ITGA8: variants seen among roughly 807,000 people sequenced by gnomAD.
ITGA8 encodes integrin subunit alpha 8, also known as integrin alpha-8.
Under a neutral mutation model 142.3 loss-of-function variants are expected in ITGA8, and 91 were observed. That is an observed-to-expected ratio of 0.64 (90% CI 0.54 to 0.76). The LOEUF (loss-of-function observed/expected upper bound fraction) is 0.76. Ranked by LOEUF, ITGA8 falls within the 30% of genes least tolerant of loss-of-function variation. The pLI is 0.00. For synonymous variants in ITGA8, 505 were observed against 485.2 expected (o/e 1.04, Z -0.54); for missense variants, 1,406 against 1,327.7 (o/e 1.06, Z -0.92).
chr10:15,568,281 C>A (rs1193440453), intron 25 of ITGA8, among the ~76,000 whole-genome samples: 1 of 152,144 alleles, frequency 6.6e-6, no homozygotes, highest in East Asian at 1.9e-4. Context: ...TGTGTGTCTG[C>A]CCCTGCCCCA....
intron 20 of ITGA8, among the ~76,000 whole-genome samples, chr10:15,599,019 G>C (rs1284295478): frequency 4.6e-5 from 7 of 151,818 alleles, no homozygotes; most frequent in African/African-American, 1.7e-4. Flanking sequence ...ACAAAACCCA[G>C]AAAAATCTTC....
chr10:15,711,025 G>T (rs562394464), intron 2 of ITGA8, among the ~76,000 whole-genome samples: 1 of 152,234 alleles, frequency 6.6e-6, no homozygotes, highest in Admixed American at 6.5e-5. Flanking sequence ...TAAATACCCT[G>T]CAGTGCCATT....
At chr10:15,541,445 A>G (rs1005683978) in intron 27 of ITGA8, among the ~76,000 whole-genome samples, 37 of 152,202 alleles carry the variant, frequency 2.4e-4, no homozygotes, top group Non-Finnish European at 1.5e-4. Flanking sequence ...GTTCAAAGGT[A>G]TCACAAGTTT....
chr10:15,683,928 G>T (rs377329457), intron 4 of ITGA8, 76 bp downstream of exon 4: 2 of 1,547,010 alleles, frequency 1.3e-6, no homozygotes, highest in East Asian at 4.5e-5. Context: ...ATGGTGTTTT[G>T]AGCCTACCTG....
At chr10:15,571,538 G>A (rs1834183537) in intron 25 of ITGA8, among the ~76,000 whole-genome samples, 1 of 152,184 alleles carries the variant, frequency 6.6e-6, no homozygotes, top group African/African-American at 2.4e-5. Flanking sequence ...TAATCTGGAT[G>A]GGATCAGCTC....
At chr10:15,695,095 T>C (rs1835026121) in intron 2 of ITGA8, among the ~76,000 whole-genome samples, 3 of 152,126 alleles carry the variant, frequency 2.0e-5, no homozygotes, top group African/African-American at 7.2e-5. Flanking sequence ...TCCCAAGATA[T>C]CCTTTCTGCC....
chr10:15,653,595 T>C (rs1834129472), intron 11 of ITGA8, among the ~76,000 whole-genome samples: 1 of 152,140 alleles, frequency 6.6e-6, no homozygotes, highest in African/African-American at 2.4e-5. Flanking sequence ...ACATATCCAC[T>C]ATTACTGTAT....
intron 2 of ITGA8, among the ~76,000 whole-genome samples, chr10:15,712,123 C>G (rs999020323): frequency 7.2e-5 from 11 of 152,116 alleles, no homozygotes. Flanking sequence ...GGAGGAACAC[C>G]TTGCTTTATG....
At chr10:15,549,092 G>A (rs9333221) in intron 26 of ITGA8, among the ~76,000 whole-genome samples, 26,375 of 151,492 alleles carry the variant, frequency 0.17, 2,426 homozygotes, top group Admixed American at 0.2. Flanking sequence ...ATTGCCCAGC[G>A]TATAATGAAT....
intron 6 of ITGA8, 118 bp downstream of exon 6, chr10:15,677,474 A>G (rs1256634870): frequency 1.1e-5 from 8 of 757,900 alleles, no homozygotes; most frequent in Non-Finnish European, 1.1e-5. Flanking sequence ...CATTTGAGAA[A>G]CTATGAATAA....
At chr10:15,660,839 A>G in intron 9 of ITGA8, 40 bp downstream of exon 9, 1 of 1,540,954 alleles carries the variant, frequency 6.5e-7, no homozygotes, top group Non-Finnish European at 9.0e-7. Flanking sequence ...CACCTATACA[A>G]GAAAATACCC....
At chr10:15,696,465 C>A (rs1377342349) in intron 2 of ITGA8, among the ~76,000 whole-genome samples, 2 of 152,100 alleles carry the variant, frequency 1.3e-5, no homozygotes, top group East Asian at 3.9e-4. Flanking sequence ...AGGATCCGAA[C>A]AGGCATTACA....
At chr10:15,672,791 G>C (rs768027888) in intron 6 of ITGA8, 42 bp from the exon 7 acceptor site, 18 of 1,534,666 alleles carry the variant, frequency 1.2e-5, no homozygotes, top group Non-Finnish European at 1.6e-5. Flanking sequence ...ATGAAAGCAA[G>C]AGGCAGGCCC....
chr10:15,683,920 G>A (rs535157626), intron 4 of ITGA8, 84 bp downstream of exon 4: 1 of 1,493,216 alleles, frequency 6.7e-7, no homozygotes, highest in East Asian at 2.3e-5. Context: ...AGTTATCAAT[G>A]GTGTTTTGAG....
At chr10:15,603,035 G>A (rs1282468412) in intron 20 of ITGA8, among the ~76,000 whole-genome samples, 1 of 149,152 alleles carries the variant, frequency 6.7e-6, no homozygotes, top group Non-Finnish European at 1.5e-5. Context: ...TGACTTTGGA[G>A]TTTTTTTTTT....
intron 25 of ITGA8, among the ~76,000 whole-genome samples, chr10:15,565,811 A>C (rs1402622663): frequency 6.6e-6 from 1 of 151,706 alleles, no homozygotes; most frequent in Non-Finnish European, 1.5e-5. Flanking sequence ...GCTGGTTTTG[A>C]ACTCCTGACT....
At chr10:15,586,912 T>C (rs1312010104) in intron 22 of ITGA8, among the ~76,000 whole-genome samples, 1 of 152,050 alleles carries the variant, frequency 6.6e-6, no homozygotes. Flanking sequence ...AATAGATATC[T>C]AAAGAAACTA....
intron 4 of ITGA8, among the ~76,000 whole-genome samples, chr10:15,680,901 T>A (rs1834725195): frequency 6.6e-6 from 1 of 151,904 alleles, no homozygotes; most frequent in Admixed American, 6.6e-5. Flanking sequence ...TGTTGAATCA[T>A]AATTTATGAG....
intron 13 of ITGA8, among the ~76,000 whole-genome samples, chr10:15,635,092 C>T (rs543338168): frequency 1.7e-4 from 25 of 149,282 alleles, no homozygotes; most frequent in African/African-American, 3.2e-4. Context: ...CTGTAACCTC[C>T]GCTTCCCAGG....
Sources: allele counts gnomAD v4.1 joint callset (sites outside exome capture counted in the v4.1 genomes callset), GRCh38; gene constraint gnomAD v4.1.1; transcripts MANE v1.5; gene names NCBI Gene and HGNC (gene_info 2026-07-23, HGNC 2026-07-21).